The following RGS7 variants were observed in gnomAD, a reference collection of about 807,000 sequenced individuals.
RGS7 encodes regulator of G-protein signaling 7.
In RGS7, 27 loss-of-function variants were observed where a neutral mutation model predicts 81.1. The observed-to-expected ratio is 0.33, with a 90% CI of 0.25 to 0.46. The LOEUF (loss-of-function observed/expected upper bound fraction) is 0.46. RGS7 is among the 20% of genes least tolerant of loss of function. RGS7 has a pLI of 1.00. For missense variants in RGS7, 396 were observed against 607.4 expected (o/e 0.65, Z 3.66); for synonymous variants, 208 against 207.7 (o/e 1.00, Z -0.01).
chr1:241,305,909 C>T, intron 2 of RGS7: 1 of 184,966 alleles, frequency 5.4e-6, no homozygotes, highest in Non-Finnish European at 1.1e-5. Context: ...TCTCCGAGGG[C>T]CGCCGCAGAG....
intron 2 of RGS7, among the ~76,000 whole-genome samples, chr1:241,215,318 G>C (rs1265530301): frequency 1.3e-5 from 2 of 152,142 alleles, no homozygotes; most frequent in African/African-American, 4.8e-5. Context: ...TCAGTGAAAA[G>C]TTCAACATAG....
chr1:241,104,451 T>C (rs1046198314), intron 2 of RGS7, among the ~76,000 whole-genome samples: 1 of 151,842 alleles, frequency 6.6e-6, no homozygotes, highest in African/African-American at 2.4e-5. Flanking sequence ...TATTTGTGCA[T>C]ATAAGCAAAG....
chr1:241,318,471 T>C (rs77084615), intron 2 of RGS7, among the ~76,000 whole-genome samples: 6 of 151,976 alleles, frequency 3.9e-5, no homozygotes, highest in Admixed American at 1.3e-4. Flanking sequence ...TTTTTTTTTT[T>C]CCCAGACAGA....
At chr1:240,833,227 A>G (rs1694139835) in intron 9 of RGS7, among the ~76,000 whole-genome samples, 1 of 152,202 alleles carries the variant, frequency 6.6e-6, no homozygotes, top group Non-Finnish European at 1.5e-5. Context: ...AGTGCCTAAC[A>G]GGTGGGTACC....
intron 2 of RGS7, among the ~76,000 whole-genome samples, chr1:241,124,751 A>G (rs1193043789): frequency 6.6e-6 from 1 of 152,152 alleles, no homozygotes; most frequent in African/African-American, 2.4e-5. Context: ...GCCCCCTGGG[A>G]GCTGAGCCAA....
intron 2 of RGS7, among the ~76,000 whole-genome samples, chr1:241,346,588 G>T: frequency 6.6e-6 from 1 of 152,140 alleles, no homozygotes; most frequent in East Asian, 1.9e-4. Flanking sequence ...ATTGTTCTAG[G>T]TCCTGAGACA....
At chr1:241,101,937 C>T (rs1294336443) in intron 2 of RGS7, among the ~76,000 whole-genome samples, 14 of 152,126 alleles carry the variant, frequency 9.2e-5, no homozygotes, top group Non-Finnish European at 4.4e-5. Flanking sequence ...TAGTCTCATC[C>T]CCTCTCAGTT....
chr1:241,282,643 A>G (rs2078585311), intron 2 of RGS7, among the ~76,000 whole-genome samples: 1 of 152,200 alleles, frequency 6.6e-6, no homozygotes, highest in African/African-American at 2.4e-5. Flanking sequence ...CCTTGTTCCC[A>G]ACATTAGGGG....
At chr1:241,016,572 A>C (rs991304732) in intron 3 of RGS7, among the ~76,000 whole-genome samples, 10 of 152,068 alleles carry the variant, frequency 6.6e-5, no homozygotes, top group South Asian at 2.1e-4. Context: ...AACAAACAAA[A>C]AAAAAACCCC....
intron 2 of RGS7, among the ~76,000 whole-genome samples, chr1:241,291,624 G>A (rs2079097131): frequency 1.7e-5 from 2 of 118,990 alleles, no homozygotes; most frequent in Non-Finnish European, 1.6e-5. Context: ...TGTTGCCCAG[G>A]CTGGAGTGCA....
At chr1:240,786,243 T>C (rs1048590080) in intron 18 of RGS7, among the ~76,000 whole-genome samples, 1 of 152,236 alleles carries the variant, frequency 6.6e-6, no homozygotes, top group African/African-American at 2.4e-5. Flanking sequence ...CATTCTATTA[T>C]GTCCTTCTAC....
chr1:240,911,791 G>C (rs767092269), intron 6 of RGS7, among the ~76,000 whole-genome samples: 2 of 152,086 alleles, frequency 1.3e-5, no homozygotes, highest in Non-Finnish European at 2.9e-5. Context: ...TCATAGGGCA[G>C]GTCCTCTATC....
At chr1:240,886,412 G>A (rs541621834) in intron 6 of RGS7, among the ~76,000 whole-genome samples, 16 of 152,266 alleles carry the variant, frequency 1.1e-4, no homozygotes, top group East Asian at 1.9e-4. Context: ...TGAATTATTC[G>A]TTGAATATTT....
intron 2 of RGS7, among the ~76,000 whole-genome samples, chr1:241,239,099 G>C (rs1161955853): frequency 1.3e-5 from 2 of 151,708 alleles, no homozygotes; most frequent in African/African-American, 4.8e-5. Flanking sequence ...CTTCTGAGCA[G>C]CTGGGACTAC....
intron 6 of RGS7, among the ~76,000 whole-genome samples, chr1:240,871,398 C>T (rs1464230259): frequency 2.0e-5 from 3 of 152,074 alleles, no homozygotes; most frequent in Non-Finnish European, 4.4e-5. Flanking sequence ...AATTTAAGAC[C>T]GGTGCAAACA....
intron 2 of RGS7, among the ~76,000 whole-genome samples, chr1:241,132,841 C>T (rs1341417844): frequency 6.6e-6 from 1 of 152,176 alleles, no homozygotes; most frequent in South Asian, 2.1e-4. Flanking sequence ...CGGCTCACTG[C>T]AAGCTCTGCC....
At chr1:241,315,244 G>T (rs889108659) in intron 2 of RGS7, among the ~76,000 whole-genome samples, 3 of 150,132 alleles carry the variant, frequency 2.0e-5, no homozygotes, top group Non-Finnish European at 4.4e-5. Context: ...GAAAAGGGAA[G>T]CTTCAGCTTG....
chr1:241,330,324 G>A (rs2081896619), intron 2 of RGS7, among the ~76,000 whole-genome samples: 2 of 152,220 alleles, frequency 1.3e-5, no homozygotes, highest in Admixed American at 6.5e-5. Flanking sequence ...TCACACATCT[G>A]AGGGTGAAAG....
At chr1:241,156,443 C>G (rs1289727152) in intron 2 of RGS7, among the ~76,000 whole-genome samples, 1 of 151,588 alleles carries the variant, frequency 6.6e-6, no homozygotes, top group Non-Finnish European at 1.5e-5. Context: ...GAGGTCAAGG[C>G]TGCAGTGAGC....
Sources: gnomAD v4.1 joint callset for allele counts (sites outside exome capture counted in the v4.1 genomes callset) on GRCh38, gnomAD v4.1.1 for gene constraint, MANE v1.5 for transcripts, NCBI Gene and HGNC (gene_info 2026-07-23, HGNC 2026-07-21) for gene names.